Variants in ANTXR1 observed in about 807,000 individuals in gnomAD.
ANTXR1 encodes the protein ANTXR cell adhesion molecule 1, also known as anthrax toxin receptor 1.
Under a neutral mutation model 78.1 loss-of-function variants are expected in ANTXR1, and 19 were observed. The observed-to-expected ratio is 0.24, with a 90% CI of 0.17 to 0.36. The LOEUF is 0.36. Ranked by LOEUF, ANTXR1 falls within the 10% of genes least tolerant of loss-of-function variation. The pLI is 1.00. For missense variants in ANTXR1, 518 were observed against 718.6 expected (o/e 0.72, Z 3.19); for synonymous variants, 273 against 260.5 (o/e 1.05, Z -0.46).
intron 17 of ANTXR1, among the ~76,000 whole-genome samples, chr2:69,218,089 A>G (rs1675223886): frequency 6.6e-6 from 1 of 152,190 alleles, no homozygotes; most frequent in Non-Finnish European, 1.5e-5. Flanking sequence ...AAGGAGGCAG[A>G]GAGGAGCCGG....
intron 9 of ANTXR1, among the ~76,000 whole-genome samples, chr2:69,093,138 A>G (rs1671292435): frequency 6.6e-6 from 1 of 152,184 alleles, no homozygotes; most frequent in Non-Finnish European, 1.5e-5. Context: ...ATTTCTCTCT[A>G]CTTCCCACTG....
intron 17 of ANTXR1, among the ~76,000 whole-genome samples, chr2:69,209,789 A>G (rs13021189): frequency 0.37 from 55,712 of 152,164 alleles, 11,712 homozygotes; most frequent in East Asian, 0.78. Flanking sequence ...GGTCAGAGAC[A>G]GCAGGGGAGA....
At chr2:69,170,386 G>A in intron 14 of ANTXR1, 97 bp downstream of exon 14, 1 of 1,424,040 alleles carries the variant, frequency 7.0e-7, no homozygotes, top group Non-Finnish European at 9.9e-7. Flanking sequence ...CTGCAGAGCA[G>A]AGCTAAGTCA....
At chr2:69,229,836 T>C (rs1675545692) in intron 17 of ANTXR1, among the ~76,000 whole-genome samples, 1 of 152,082 alleles carries the variant, frequency 6.6e-6, no homozygotes, top group African/African-American at 2.4e-5. Context: ...GAGAAGTAAT[T>C]GCTACACTGC....
intron 17 of ANTXR1, among the ~76,000 whole-genome samples, chr2:69,194,122 A>G (rs1259230691): frequency 1.3e-5 from 2 of 152,252 alleles, no homozygotes; most frequent in African/African-American, 4.8e-5. Context: ...TCTCCAAAAA[A>G]CAAGAGAAGT....
At chr2:69,206,029 T>C (rs1674892131) in intron 17 of ANTXR1, among the ~76,000 whole-genome samples, 1 of 152,226 alleles carries the variant, frequency 6.6e-6, no homozygotes, top group Non-Finnish European at 1.5e-5. Flanking sequence ...TTTTTTTCTT[T>C]TTGGCTGATA....
intron 17 of ANTXR1, among the ~76,000 whole-genome samples, chr2:69,243,171 C>G (rs1675931455): frequency 6.6e-6 from 1 of 152,202 alleles, no homozygotes; most frequent in Non-Finnish European, 1.5e-5. Context: ...ATGCTATGTC[C>G]TAGGAATTAA....
chr2:69,100,161 G>T (rs927858738), intron 9 of ANTXR1, among the ~76,000 whole-genome samples: 1 of 152,178 alleles, frequency 6.6e-6, no homozygotes, highest in East Asian at 1.9e-4. Context: ...TAGATTAGTG[G>T]AGTTAAATCA....
In ANTXR1 at chr2:69,073,120, G is replaced by A. The variant is rs763171813; in HGVS notation, c.492+19G>A. Reference sequence around the variant, plus strand: ...GAGGGAGGTAAGCAACGGCCTGGCTGTGTCTAAACATATACATGGAACGGG... The same window carrying A: ...GAGGGAGGTAAGCAACGGCCTGGCTATGTCTAAACATATACATGGAACGGG... On this transcript the variant is annotated intron_variant, in intron 6 of 17. Transcript: ENST00000303714. The A allele has an allele frequency of 1.3e-5, 21 of 1,612,476 alleles. No homozygotes were observed. The highest frequency in any genetic ancestry group is 2.7e-5 in the African/African-American group (2 of 74,862).
chr2:69,240,463 C>T (rs562539349), intron 17 of ANTXR1, among the ~76,000 whole-genome samples: 2 of 152,178 alleles, frequency 1.3e-5, no homozygotes, highest in South Asian at 4.1e-4. Context: ...GCCATAAGCA[C>T]GCACCAGATC....
intron 1 of ANTXR1, among the ~76,000 whole-genome samples, chr2:69,014,174 G>C (rs1174132084): frequency 3.3e-5 from 5 of 152,198 alleles, no homozygotes; most frequent in Admixed American, 6.5e-5. Flanking sequence ...ACCGGGCACT[G>C]AGTGAGAATG....
chr2:69,230,190 T>C (rs1368949685), intron 17 of ANTXR1, among the ~76,000 whole-genome samples: 3 of 152,110 alleles, frequency 2.0e-5, no homozygotes, highest in Non-Finnish European at 4.4e-5. Context: ...TTTTTTGAAA[T>C]TTGTCAGAAC....
At chr2:69,066,178 A>G (rs972769525) in intron 3 of ANTXR1, among the ~76,000 whole-genome samples, 2 of 152,242 alleles carry the variant, frequency 1.3e-5, no homozygotes, top group Admixed American at 6.5e-5. Context: ...TATGATAGCC[A>G]TTGCAGAATC....
Position 69,166,326 on chromosome 2 carries a change from G to A in ANTXR1, c.1048-3922G>A, listed in dbSNP as rs28594895. 7.9e-3 allele frequency among the ~76,000 whole-genome samples: 1,198 copies of A among 152,324 alleles called. 15 individuals are homozygous for A. The highest frequency in any genetic ancestry group is 0.027 in the African/African-American group (1,130 of 41,560). ...AATTAAAGTCACTGGTAAGAGAGGA[G>A]AGGAGATGCATCTCCCAACACACAG... On this transcript the variant is annotated intron_variant, in intron 13 of 17. Transcript: ENST00000303714.
At chr2:69,137,775 C>A (rs1672955956) in intron 12 of ANTXR1, among the ~76,000 whole-genome samples, 1 of 147,414 alleles carries the variant, frequency 6.8e-6, no homozygotes, top group Non-Finnish European at 1.5e-5. Context: ...GAGAGCAAGA[C>A]CCTGTCTCAA....
chr2:69,107,894 C>T (rs1671861896), intron 10 of ANTXR1, among the ~76,000 whole-genome samples: 1 of 152,160 alleles, frequency 6.6e-6, no homozygotes. Flanking sequence ...GAATTCAAAA[C>T]TCAACATCAT....
intron 12 of ANTXR1, among the ~76,000 whole-genome samples, chr2:69,139,710 G>A (rs1165559116): frequency 6.6e-6 from 1 of 152,130 alleles, no homozygotes; most frequent in Non-Finnish European, 1.5e-5. Context: ...ACAGCCCATG[G>A]TATATTGTAG....
intron 3 of ANTXR1, among the ~76,000 whole-genome samples, chr2:69,061,114 T>C (rs981579372): frequency 1.3e-5 from 2 of 152,280 alleles, no homozygotes; most frequent in South Asian, 2.1e-4. Context: ...GCTCAAAACC[T>C]GGATATTGCA....
chr2:69,156,881 G>GA (rs1333312768), intron 13 of ANTXR1, among the ~76,000 whole-genome samples: 2 of 152,224 alleles, frequency 1.3e-5, no homozygotes, highest in Non-Finnish European at 2.9e-5. Flanking sequence ...CAACATTGGG[G>GA]ATCACAACTC....
Sources: gnomAD v4.1 joint callset for allele counts (sites outside exome capture counted in the v4.1 genomes callset) on GRCh38, gnomAD v4.1.1 for gene constraint, MANE v1.5 for transcripts, NCBI Gene and HGNC (gene_info 2026-07-23, HGNC 2026-07-21) for gene names.